The following FOXN3 variants were observed in gnomAD, a reference collection of about 807,000 sequenced individuals.
FOXN3 encodes the protein forkhead box N3, also known as forkhead box protein N3.
A neutral mutation model predicts 38.4 loss-of-function variants in FOXN3; 7 were observed. The observed-to-expected ratio is 0.18, with a 90% CI of 0.10 to 0.34. The LOEUF is 0.34. Ranked by LOEUF, FOXN3 falls within the 10% of genes least tolerant of loss-of-function variation. The pLI is 1.00. For synonymous variants in FOXN3, 230 were observed against 242.2 expected, an observed-to-expected ratio of 0.95 and a Z score of 0.47; for missense variants, 456 against 613.4, an observed-to-expected ratio of 0.74 and a Z score of 2.71.
Position 89,476,271 on chromosome 14 carries a change from C to T in FOXN3, c.-14-63781G>A, listed in dbSNP as rs1893207066. ...TTCCAAAAGCCTCTCCCCTCCTTCA[C>T]CGTGAGCTGATACATCTATCATATT... On this transcript the variant is annotated intron_variant, in intron 1 of 6. Coordinates refer to the FOXN3 transcript ENST00000345097. 2.0e-5 allele frequency among the ~76,000 whole-genome samples: 3 copies of T among 152,154 alleles called. No individual in the cohort carries two copies. The South Asian group carries it at 6.2e-4, about 31-fold the overall frequency.
chr14:89,351,032 T>A (rs1000269582), intron 2 of FOXN3: 19 of 340,872 alleles, frequency 5.6e-5, no homozygotes, highest in Non-Finnish European at 1.0e-4. Context: ...TACCAGGTTA[T>A]GGTGATACAA....
chr14:89,373,762 T>G (rs894099057), intron 2 of FOXN3, among the ~76,000 whole-genome samples: 12 of 152,176 alleles, frequency 7.9e-5, no homozygotes, highest in African/African-American at 2.9e-4. Flanking sequence ...AAAAGTTTGA[T>G]AGGTCACTAC....
intron 3 of FOXN3, among the ~76,000 whole-genome samples, chr14:89,318,747 G>T (rs1887807960): frequency 1.3e-5 from 2 of 152,334 alleles, no homozygotes; most frequent in Admixed American, 1.3e-4. Flanking sequence ...TAGCCTGGTT[G>T]TGCGCAGCAG....
intron 4 of FOXN3, among the ~76,000 whole-genome samples, chr14:89,236,259 T>TA (rs1884977238): frequency 6.6e-6 from 1 of 152,162 alleles, no homozygotes; most frequent in South Asian, 2.1e-4. Flanking sequence ...CTCATGCCTG[T>TA]AATCCCAGCA....
At chr14:89,234,153 A>C (rs1884908693) in intron 4 of FOXN3, among the ~76,000 whole-genome samples, 1 of 152,236 alleles carries the variant, frequency 6.6e-6, no homozygotes, top group Non-Finnish European at 1.5e-5. Flanking sequence ...GAACCCAACG[A>C]AATTCCTCTA....
chr14:89,464,789 C>G (rs778552798), intron 1 of FOXN3, among the ~76,000 whole-genome samples: 3 of 152,250 alleles, frequency 2.0e-5, no homozygotes, highest in Admixed American at 1.3e-4. Context: ...CCTCCACCTC[C>G]GGGGCTCAAG....
intron 3 of FOXN3, among the ~76,000 whole-genome samples, chr14:89,347,320 C>G (rs545559210): frequency 7.2e-5 from 11 of 152,128 alleles, no homozygotes; most frequent in Non-Finnish European, 1.6e-4. Context: ...AAACGAATGC[C>G]AAGTGAAGGT....
intron 3 of FOXN3, among the ~76,000 whole-genome samples, chr14:89,301,701 G>C (rs1021110163): frequency 3.3e-5 from 5 of 152,066 alleles, no homozygotes; most frequent in African/African-American, 1.2e-4. Context: ...CCGGGAGGCA[G>C]AGGTTGCAGT....
At chr14:89,564,498 CG>C (rs1895310345) in intron 1 of FOXN3, among the ~76,000 whole-genome samples, 1 of 152,078 alleles carries the variant, frequency 6.6e-6, no homozygotes, top group South Asian at 2.1e-4. Flanking sequence ...AATACATGGA[CG>C]GGACTCAGGT....
chr14:89,198,887 G>C (rs888664374), intron 4 of FOXN3, among the ~76,000 whole-genome samples: 1 of 152,232 alleles, frequency 6.6e-6, no homozygotes, highest in Non-Finnish European at 1.5e-5. Context: ...AAAGTAAACA[G>C]ATATACAATT....
chr14:89,311,101 C>T (rs1463041450), intron 3 of FOXN3, among the ~76,000 whole-genome samples: 1 of 118,332 alleles, frequency 8.5e-6, no homozygotes, highest in Non-Finnish European at 1.7e-5. Flanking sequence ...CGCGAAACTC[C>T]GTCTAAAAAA....
chr14:89,601,091 C>T (rs761040759), intron 1 of FOXN3, among the ~76,000 whole-genome samples: 15 of 152,114 alleles, frequency 9.9e-5, no homozygotes, highest in Non-Finnish European at 2.1e-4. Context: ...CTGATTAATG[C>T]CAGAGCCAAG....
chr14:89,378,131 AT>A (rs1435341755), intron 2 of FOXN3, among the ~76,000 whole-genome samples: 31 of 152,330 alleles, frequency 2.0e-4, no homozygotes, highest in African/African-American at 7.5e-4. Flanking sequence ...GATAGGGAAG[AT>A]TTCCAGCAAA....
At chr14:89,197,969 G>A (rs1888139948) in intron 4 of FOXN3, among the ~76,000 whole-genome samples, 1 of 152,182 alleles carries the variant, frequency 6.6e-6, no homozygotes, top group African/African-American at 2.4e-5. Flanking sequence ...AACTCTGCAT[G>A]AGAATGACAC....
At position 89,373,226 on chromosome 14, in the gene FOXN3, A is replaced by T. The variant is rs139038963; in HGVS notation, c.544-22418T>A. ...GTGTTACCAATATATTTTTAAAGAC[A>T]CTGAAAGCGTGTTTCAATCAGGGTT... On this transcript the variant is annotated intron_variant, in intron 2 of 5. Transcript: ENST00000557258. 5.9e-3 allele frequency among the ~76,000 whole-genome samples: 894 copies of T among 152,296 alleles called. 7 individuals carry two copies. Among genetic ancestry groups the T allele is most frequent in the Middle Eastern group, 0.027 (8 of 294 alleles).
chr14:89,441,490 C>T (rs375063405), intron 1 of FOXN3, among the ~76,000 whole-genome samples: 13 of 152,310 alleles, frequency 8.5e-5, no homozygotes, highest in African/African-American at 2.9e-4. Context: ...GAACACATTG[C>T]CTTTATCTTA....
chr14:89,458,599 G>A (rs914322773), intron 1 of FOXN3, among the ~76,000 whole-genome samples: 18 of 152,182 alleles, frequency 1.2e-4, no homozygotes, highest in African/African-American at 3.9e-4. Flanking sequence ...TGGTTATTAT[G>A]CTTGTGAATA....
chr14:89,457,972 G>A (rs1892761636), intron 1 of FOXN3, among the ~76,000 whole-genome samples: 1 of 146,604 alleles, frequency 6.8e-6, no homozygotes, highest in Non-Finnish European at 1.5e-5. Context: ...GGAGGTTGCA[G>A]TGAGCCAAGA....
At chr14:89,306,032 C>T (rs1596169852) in intron 3 of FOXN3, among the ~76,000 whole-genome samples, 2 of 152,210 alleles carry the variant, frequency 1.3e-5, no homozygotes, top group African/African-American at 4.8e-5. Flanking sequence ...AACACCACCA[C>T]CATTTTCACA....
Sources: gnomAD v4.1 joint callset for allele counts (sites outside exome capture counted in the v4.1 genomes callset) on GRCh38, gnomAD v4.1.1 for gene constraint, MANE v1.5 for transcripts, NCBI Gene and HGNC (gene_info 2026-07-23, HGNC 2026-07-21) for gene names.